Variants in COP1 observed in about 807,000 individuals in gnomAD.
The protein encoded by COP1 is COP1 E3 ubiquitin ligase.
A neutral mutation model predicts 101.3 loss-of-function variants in COP1; 24 were observed. That is an observed-to-expected ratio of 0.24 (90% CI 0.17 to 0.33). COP1 has a LOEUF of 0.33. Ranked by LOEUF, COP1 falls within the 10% of genes least tolerant of loss-of-function variation. The pLI, the probability that COP1 is intolerant of heterozygous loss-of-function variation, is 1.00. For missense variants in COP1, 663 were observed against 906.2 expected, an observed-to-expected ratio of 0.73 and a Z score of 3.45; for synonymous variants, 347 against 341.9, an observed-to-expected ratio of 1.01 and a Z score of -0.17.
At chr1:176,097,113 G>C (rs1280692301) in intron 9 of COP1, among the ~76,000 whole-genome samples, 1 of 152,022 alleles carries the variant, frequency 6.6e-6, no homozygotes, top group Non-Finnish European at 1.5e-5. Flanking sequence ...CAGGTAATAG[G>C]GGATTTAAAA....
intron 3 of COP1, among the ~76,000 whole-genome samples, chr1:176,165,609 C>T (rs1293775188): frequency 6.6e-6 from 1 of 152,030 alleles, no homozygotes. Context: ...GAAGGAGAAT[C>T]ACTTGAACCC....
chr1:176,204,860 G>A (rs536022938), intron 1 of COP1, among the ~76,000 whole-genome samples: 4 of 152,262 alleles, frequency 2.6e-5, no homozygotes, highest in South Asian at 2.1e-4. Context: ...CCCGGGAGGC[G>A]GGGGTGGCAG....
intron 10 of COP1, among the ~76,000 whole-genome samples, chr1:176,083,526 A>G (rs1679572212): frequency 6.6e-6 from 1 of 152,210 alleles, no homozygotes; most frequent in Non-Finnish European, 1.5e-5. Flanking sequence ...ACATCCACAC[A>G]TATCTGCTGG....
chr1:176,026,959 T>C (rs2149064985), intron 15 of COP1, among the ~76,000 whole-genome samples: 1 of 152,262 alleles, frequency 6.6e-6, no homozygotes, highest in East Asian at 1.9e-4. Flanking sequence ...AAGAGGGCAC[T>C]AATAATAAAT....
chr1:176,082,472 T>C (rs1679352993), intron 10 of COP1, among the ~76,000 whole-genome samples: 1 of 152,112 alleles, frequency 6.6e-6, no homozygotes, highest in African/African-American at 2.4e-5. Flanking sequence ...AAAATAACTG[T>C]TTGCATGACG....
intron 11 of COP1, among the ~76,000 whole-genome samples, chr1:176,077,606 C>G (rs1199416843): frequency 1.3e-5 from 2 of 152,128 alleles, no homozygotes. Context: ...CAAGGATGCC[C>G]ACTTTCACCA....
At chr1:176,053,045 A>AT (rs1571941380) in intron 11 of COP1, among the ~76,000 whole-genome samples, 1 of 152,184 alleles carries the variant, frequency 6.6e-6, no homozygotes, top group East Asian at 1.9e-4. Flanking sequence ...CAATTGACAC[A>AT]TAAGCAAGAG....
At position 176,136,496 on chromosome 1, in the gene COP1, T is replaced by C; in HGVS notation, c.883A>G (p.Arg295Gly). Residue 295 changes from arginine (R) to glycine (G), a missense_variant, in exon 7 of 20, where the codon AGA (arginine) becomes GGA (glycine). Transcript: ENST00000367669. ...AATTCTTGATTCCTTACTTCCACTC[T>C]CTTAATATCCTCTTCCAAAACACTT... is the stretch of plus-strand genomic sequence containing the variant. ...ELSVLEEDIK[R>G]VEEMSGLYSP... 1 of 1,601,054 alleles carries C rather than the reference T, an allele frequency of 6.2e-7. No individual in the cohort carries two copies. Among genetic ancestry groups the C allele is most frequent in the African/African-American group, 1.3e-5 (1 of 74,296 alleles).
chr1:176,196,365 C>T (rs1156872330), intron 1 of COP1, among the ~76,000 whole-genome samples: 1 of 151,894 alleles, frequency 6.6e-6, no homozygotes, highest in African/African-American at 2.4e-5. Context: ...CTAGCTAAAC[C>T]ATTCAAGGAA....
At chr1:176,004,971 C>A (rs1451879335) in intron 15 of COP1, among the ~76,000 whole-genome samples, 3 of 151,822 alleles carry the variant, frequency 2.0e-5, no homozygotes, top group Non-Finnish European at 4.4e-5. Context: ...AGCTGTGAAT[C>A]CATCTGGTCC....
chr1:175,998,205 A>G (rs1365359718), intron 15 of COP1, among the ~76,000 whole-genome samples: 12 of 148,632 alleles, frequency 8.1e-5, no homozygotes, highest in African/African-American at 2.7e-4. Flanking sequence ...GTAAACTATC[A>G]CAAGAACAAA....
intron 15 of COP1, among the ~76,000 whole-genome samples, chr1:175,993,662 A>T (rs910329631): frequency 3.9e-5 from 6 of 152,198 alleles, no homozygotes; most frequent in Non-Finnish European, 7.3e-5. Flanking sequence ...AGATGAAATG[A>T]ATGAAATGAA....
chr1:175,948,363 G>A (rs1649442805), intron 18 of COP1, among the ~76,000 whole-genome samples: 2 of 152,166 alleles, frequency 1.3e-5, no homozygotes, highest in Admixed American at 1.3e-4. Context: ...GACTTAAAAT[G>A]TCATAGAGGT....
At chr1:176,113,569 G>T (rs747732430) in intron 9 of COP1, among the ~76,000 whole-genome samples, 122 of 152,112 alleles carry the variant, frequency 8.0e-4, no homozygotes, top group Middle Eastern at 6.8e-3. Flanking sequence ...AATATAAATG[G>T]TAACTGTGGA....
intron 11 of COP1, among the ~76,000 whole-genome samples, chr1:176,062,737 G>T (rs1341998537): frequency 2.0e-5 from 3 of 148,692 alleles, no homozygotes; most frequent in Non-Finnish European, 3.0e-5. Context: ...ACCCAGACAA[G>T]TTTATTCAAA....
intron 18 of COP1, among the ~76,000 whole-genome samples, chr1:175,969,595 T>A (rs1254756906): frequency 1.3e-5 from 2 of 152,200 alleles, no homozygotes; most frequent in Non-Finnish European, 2.9e-5. Flanking sequence ...CATTTCTTCA[T>A]CAAACCTAAG....
intron 6 of COP1, 33 bp downstream of exon 6, chr1:176,148,972 TA>T: frequency 7.4e-7 from 1 of 1,352,438 alleles, no homozygotes; most frequent in Non-Finnish European, 1.0e-6. Context: ...CAATAGTAAA[TA>T]AAACATTATG....
intron 15 of COP1, among the ~76,000 whole-genome samples, chr1:176,006,715 T>G (rs555199140): frequency 3.7e-4 from 56 of 152,344 alleles, no homozygotes; most frequent in African/African-American, 1.3e-3. Flanking sequence ...TGCCGAGAGA[T>G]CCGCTGTTAG....
chr1:176,099,801 G>T (rs1683075877), intron 9 of COP1, among the ~76,000 whole-genome samples: 1 of 152,082 alleles, frequency 6.6e-6, no homozygotes, highest in Admixed American at 6.6e-5. Context: ...TTCCTGACCT[G>T]TGATAAGTAA....
Sources: gnomAD v4.1 joint callset for allele counts (sites outside exome capture counted in the v4.1 genomes callset) on GRCh38, gnomAD v4.1.1 for gene constraint, MANE v1.5 for transcripts, NCBI Gene and HGNC (gene_info 2026-07-23, HGNC 2026-07-21) for gene names.